The following NTRK3 variants were observed in gnomAD, a reference collection of about 807,000 sequenced individuals.
NTRK3 encodes NT-3 growth factor receptor.
Under a neutral mutation model 91.7 loss-of-function variants are expected in NTRK3, and 24 were observed. The ratio of observed to expected loss-of-function variants is 0.26; its 90% confidence interval spans 0.19 to 0.37. The LOEUF (loss-of-function observed/expected upper bound fraction) is 0.37, where lower values mean the gene tolerates loss of function less well. Among genes scored for constraint, NTRK3 ranks in the 10% least tolerant of loss-of-function variants. NTRK3 has a pLI of 1.00. For synonymous variants in NTRK3, 483 were observed against 404.0 expected (o/e 1.20, Z -2.34); for missense variants, 880 against 1,068.9 (o/e 0.82, Z 2.46).
Position 88,255,350 on chromosome 15 carries a change from G to A in NTRK3, c.248+556C>T, listed in dbSNP as rs2053920333. ...GCCTCCACACGTCCAAAGTCTCCCCGCGAGCAGCCAGCTCGCAACTTGTTT... is the reference window on the plus strand; with the variant it reads ...GCCTCCACACGTCCAAAGTCTCCCCACGAGCAGCCAGCTCGCAACTTGTTT... On this transcript the variant is annotated intron_variant, in intron 3 of 18. Transcript: ENST00000394480. This position sits in a 1 kb window ranked among gnomAD's most constrained non-coding sequence, Gnocchi z 4.3. Among the ~76,000 whole-genome samples the A allele has an allele frequency of 6.6e-6, 1 of 152,128 alleles. No individual in the cohort carries two copies. Among genetic ancestry groups the A allele is most frequent in the Non-Finnish European group, 1.5e-5 (1 of 68,034 alleles).
At chr15:88,174,925 G>A (rs922053120) in intron 5 of NTRK3, among the ~76,000 whole-genome samples, 3 of 152,216 alleles carry the variant, frequency 2.0e-5, no homozygotes, top group African/African-American at 7.2e-5. Flanking sequence ...CATAGCCACT[G>A]ATGAAGAACC....
intron 14 of NTRK3, among the ~76,000 whole-genome samples, chr15:88,010,750 A>C (rs570532691): frequency 1.3e-5 from 2 of 149,458 alleles, no homozygotes; most frequent in East Asian, 1.9e-4. Flanking sequence ...ACACACACCC[A>C]CACACACACA....
At chr15:88,082,001 G>T (rs2048088748) in intron 13 of NTRK3, among the ~76,000 whole-genome samples, 1 of 152,172 alleles carries the variant, frequency 6.6e-6, no homozygotes, top group Non-Finnish European at 1.5e-5. Flanking sequence ...CAATCTCCAA[G>T]CTCAGACTCT....
At chr15:88,088,274 T>A (rs2048692233) in intron 13 of NTRK3, among the ~76,000 whole-genome samples, 1 of 152,170 alleles carries the variant, frequency 6.6e-6, no homozygotes, top group Non-Finnish European at 1.5e-5. Flanking sequence ...CGTGGAACTA[T>A]CAGCTCCTAT....
chr15:88,198,866 G>A (rs1404253480), intron 3 of NTRK3, among the ~76,000 whole-genome samples: 2 of 152,144 alleles, frequency 1.3e-5, no homozygotes, highest in East Asian at 1.9e-4. Context: ...GAGGAGAGAT[G>A]CTGACTGACA....
intron 13 of NTRK3, among the ~76,000 whole-genome samples, chr15:88,090,260 C>T (rs1460082047): frequency 6.6e-6 from 1 of 152,140 alleles, no homozygotes; most frequent in Non-Finnish European, 1.5e-5. Flanking sequence ...TCTCCTGCTC[C>T]CCACCTCGGT....
chr15:87,992,631 A>G (rs932198866), intron 14 of NTRK3, among the ~76,000 whole-genome samples: 4 of 152,248 alleles, frequency 2.6e-5, no homozygotes, highest in Non-Finnish European at 4.4e-5. Flanking sequence ...AGTGCTGTGC[A>G]TGGATTTTCT....
At chr15:87,900,186 AG>A (rs2066367818) in intron 17 of NTRK3, among the ~76,000 whole-genome samples, 1 of 152,202 alleles carries the variant, frequency 6.6e-6, no homozygotes, top group Admixed American at 6.5e-5. Flanking sequence ...CAGCAGTCAA[AG>A]CACTCTGGGA....
chr15:88,089,798 C>T (rs143935699), intron 13 of NTRK3, among the ~76,000 whole-genome samples: 37 of 152,160 alleles, frequency 2.4e-4, no homozygotes, highest in African/African-American at 7.7e-4. Context: ...GCCAGAGTGG[C>T]CCCTTCTAAA....
At chr15:88,224,925 A>G (rs2050547809) in intron 3 of NTRK3, among the ~76,000 whole-genome samples, 1 of 152,208 alleles carries the variant, frequency 6.6e-6, no homozygotes, top group Non-Finnish European at 1.5e-5. Flanking sequence ...GCAGGGTGTC[A>G]CTAGTGCAGG....
intron 5 of NTRK3, among the ~76,000 whole-genome samples, chr15:88,166,215 G>C (rs1409814496): frequency 6.6e-6 from 1 of 152,130 alleles, no homozygotes; most frequent in South Asian, 2.1e-4. Context: ...CTCAATGCAG[G>C]GTAATCAAAG....
chr15:88,089,821 T>C (rs1337107134), intron 13 of NTRK3, among the ~76,000 whole-genome samples: 1 of 152,186 alleles, frequency 6.6e-6, no homozygotes, highest in Non-Finnish European at 1.5e-5. Flanking sequence ...ACAGGTCTGC[T>C]CATGCCCTCC....
In NTRK3 at chr15:88,255,852, G is replaced by A; in HGVS notation, c.248+54C>T. 1 of 1,537,094 alleles carries A rather than the reference G, an allele frequency of 6.5e-7. No individual in the cohort carries two copies. On this transcript the variant is annotated intron_variant, in intron 3 of 18. Transcript: ENST00000394480. This position sits in a 1 kb window ranked among gnomAD's most constrained non-coding sequence, Gnocchi z 4.3. ...CCGGCTCCCGGCCGCGGGTGGGCAGGAGGGAGACGCAGAGCGCGGGGGAGG... is the reference window on the plus strand; with the variant it reads ...CCGGCTCCCGGCCGCGGGTGGGCAGAAGGGAGACGCAGAGCGCGGGGGAGG...
intron 14 of NTRK3, among the ~76,000 whole-genome samples, chr15:87,944,169 G>A (rs541952709): frequency 6.6e-6 from 1 of 152,294 alleles, no homozygotes; most frequent in South Asian, 2.1e-4. Context: ...TCTCCTCCAG[G>A]AAAGGACTGG....
chr15:88,159,942 C>CCACACACACACA (rs1567552976), intron 5 of NTRK3, among the ~76,000 whole-genome samples: 2 of 38,708 alleles, frequency 5.2e-5, no homozygotes, highest in East Asian at 2.2e-3. Flanking sequence ...ACCCAGCCTC[C>CCACACACACACA]TACACACACA....
Position 87,876,253 on chromosome 15 carries a change from G to A in NTRK3, c.*682C>T, listed in dbSNP as rs546536774. On this transcript the variant is annotated 3_prime_UTR_variant, in exon 19 of 19. Coordinates refer to ENST00000394480, the Ensembl canonical transcript of NTRK3. ...GTCTGTTCTGTGTTTACCCGTAGGTGCCATCATTGATTCCCAAAAGCATCA... is the reference window on the plus strand; with the variant it reads ...GTCTGTTCTGTGTTTACCCGTAGGTACCATCATTGATTCCCAAAAGCATCA... The A allele has an allele frequency of 1.2e-4, 29 of 232,496 alleles. No individual in the cohort carries two copies. In the East Asian group the frequency reaches 1.7e-3, roughly 14 times the overall value. The allele number at this position is 232,496 out of a possible 1,614,324, so 14.4% of individuals were successfully genotyped here. A position where few individuals can be genotyped will look rare whatever the true frequency, so the allele number is the denominator to read the frequency against.
At chr15:87,982,801 C>T (rs2074405040) in intron 14 of NTRK3, among the ~76,000 whole-genome samples, 1 of 152,194 alleles carries the variant, frequency 6.6e-6, no homozygotes, top group South Asian at 2.1e-4. Flanking sequence ...AAAAGACATT[C>T]AAATCTGTTT....
intron 13 of NTRK3, among the ~76,000 whole-genome samples, chr15:88,058,048 C>G (rs2045882787): frequency 1.3e-5 from 2 of 152,176 alleles, no homozygotes; most frequent in South Asian, 2.1e-4. Flanking sequence ...CTCGCTCTCT[C>G]TGGGTGAGAT....
chr15:88,229,267 C>T (rs1268026534), intron 3 of NTRK3, among the ~76,000 whole-genome samples: 2 of 152,134 alleles, frequency 1.3e-5, no homozygotes, highest in South Asian at 2.1e-4. Flanking sequence ...GGATGAGGTT[C>T]CAGGAGGAAC....
Sources: gnomAD v4.1 joint callset for allele counts (sites outside exome capture counted in the v4.1 genomes callset) on GRCh38, gnomAD v4.1.1 for gene constraint, Gnocchi (gnomAD v3.1) non-coding constraint, MANE v1.5 for transcripts, NCBI Gene and HGNC (gene_info 2026-07-23, HGNC 2026-07-21) for gene names.